Variants in NEDD4L observed in about 807,000 individuals in gnomAD.
NEDD4L encodes the protein E3 ubiquitin-protein ligase NEDD4-like.
NEDD4L carries 54 observed loss-of-function variants against 148.9 expected under a neutral mutation model. The ratio of observed to expected loss-of-function variants is 0.36; its 90% CI spans 0.29 to 0.45. The LOEUF is 0.45. NEDD4L is among the 20% of genes least tolerant of loss of function. NEDD4L has a pLI of 1.00. For missense variants in NEDD4L, 856 were observed against 1,233.8 expected, an observed-to-expected ratio of 0.69 and a Z score of 4.59; for synonymous variants, 433 against 440.7, an observed-to-expected ratio of 0.98 and a Z score of 0.22.
chr18:58,297,075 A>G (rs1040488077), intron 5 of NEDD4L, among the ~76,000 whole-genome samples: 2 of 152,182 alleles, frequency 1.3e-5, no homozygotes, highest in Non-Finnish European at 1.5e-5. Context: ...CAATAGAGTG[A>G]GAGTCTGTCT....
chr18:58,384,967 C>T (rs1045162897), intron 25 of NEDD4L, among the ~76,000 whole-genome samples: 3 of 152,214 alleles, frequency 2.0e-5, no homozygotes, highest in African/African-American at 4.8e-5. Flanking sequence ...TCTTACCATT[C>T]ATCCTCTAAA....
intron 24 of NEDD4L, among the ~76,000 whole-genome samples, chr18:58,375,222 G>T (rs555392215): frequency 5.9e-5 from 9 of 152,142 alleles, no homozygotes; most frequent in African/African-American, 2.2e-4. Context: ...CACTCCCCTA[G>T]CCCTGCTCCG....
intron 2 of NEDD4L, among the ~76,000 whole-genome samples, chr18:58,224,108 C>T (rs960602850): frequency 2.6e-5 from 4 of 152,166 alleles, no homozygotes; most frequent in Admixed American, 6.5e-5. Flanking sequence ...AGTGGAGTTC[C>T]GTAGAATACA....
chr18:58,338,054 A>C (rs1392591981), intron 13 of NEDD4L, among the ~76,000 whole-genome samples: 1 of 152,202 alleles, frequency 6.6e-6, no homozygotes, highest in Non-Finnish European at 1.5e-5. Context: ...GTCAGTGTCA[A>C]AGTGGTTATT....
chr18:58,126,075 G>A (rs546476501), intron 1 of NEDD4L, among the ~76,000 whole-genome samples: 29 of 152,330 alleles, frequency 1.9e-4, no homozygotes, highest in African/African-American at 6.3e-4. Flanking sequence ...CCTTGAAGGG[G>A]ACCGTTGCTC....
intron 2 of NEDD4L, among the ~76,000 whole-genome samples, chr18:58,184,344 T>A (rs1163605681): frequency 9.5e-6 from 1 of 104,760 alleles, no homozygotes; most frequent in Non-Finnish European, 2.1e-5. Context: ...ACCAGCAGCC[T>A]GCTTGGTGTG....
intron 1 of NEDD4L, chr18:58,047,067 A>G (rs1419121086): frequency 6.2e-6 from 1 of 161,948 alleles, no homozygotes. Flanking sequence ...TGTCTCCCTG[A>G]ATTAGTATGT....
intron 1 of NEDD4L, among the ~76,000 whole-genome samples, chr18:58,124,423 T>C (rs1457838805): frequency 1.3e-5 from 2 of 152,222 alleles, no homozygotes; most frequent in Non-Finnish European, 2.9e-5. Flanking sequence ...TCCCTCTGGC[T>C]ACTCCTCTGC....
Position 58,325,029 on chromosome 18 carries a change from G to A in NEDD4L, c.547G>A (p.Ala183Thr), listed in dbSNP as rs372009925. 1.4e-5 allele frequency: 23 copies of A among 1,613,796 alleles called. No homozygotes were observed. In the Admixed American group the frequency reaches 1.7e-4, roughly 12 times the overall value. ...GGAAGTTGTTGACTCAAATGACTCGGCTTCTCAGCACCAAGAGGAACTTCC... is the reference window on the plus strand; with the variant it reads ...GGAAGTTGTTGACTCAAATGACTCGACTTCTCAGCACCAAGAGGAACTTCC... ...GWEVVDSNDS[A>T]SQHQEELPPP... The change falls in exon 9 of 31, where the codon GCT (alanine) becomes ACT (threonine). Residue 183 changes from alanine (A) to threonine (T), a missense_variant. Transcript: ENST00000400345.
At chr18:58,302,150 G>A (rs2056554753) in intron 5 of NEDD4L, among the ~76,000 whole-genome samples, 1 of 152,126 alleles carries the variant, frequency 6.6e-6, no homozygotes, top group Non-Finnish European at 1.5e-5. Context: ...TAGGCTTCAT[G>A]TTTCATACAA....
chr18:58,325,315 G>A (rs2059217207), intron 9 of NEDD4L, among the ~76,000 whole-genome samples, 153 bp downstream of exon 9: 1 of 152,238 alleles, frequency 6.6e-6, no homozygotes. Flanking sequence ...TTTACGTAAA[G>A]CATGCAAGAG....
chr18:58,046,980 C>CA (rs2081613754), intron 1 of NEDD4L: 1 of 151,366 alleles, frequency 6.6e-6, no homozygotes, highest in African/African-American at 2.4e-5. Context: ...TTCATGCTGT[C>CA]ACGTTGCCCT....
chr18:58,306,138 C>T (rs527766221), intron 5 of NEDD4L, among the ~76,000 whole-genome samples: 1 of 152,042 alleles, frequency 6.6e-6, no homozygotes, highest in Admixed American at 6.6e-5. Flanking sequence ...CATGCCAGAT[C>T]GGTTTCAAGG....
chr18:58,206,661 G>T (rs890097072), intron 2 of NEDD4L, among the ~76,000 whole-genome samples: 10 of 152,122 alleles, frequency 6.6e-5, no homozygotes, highest in African/African-American at 2.4e-4. Context: ...AAGATATGTG[G>T]GAGAAATAAT....
chr18:58,193,581 C>A (rs1029595625), intron 2 of NEDD4L, among the ~76,000 whole-genome samples: 1 of 152,230 alleles, frequency 6.6e-6, no homozygotes, highest in Non-Finnish European at 1.5e-5. Flanking sequence ...TTTCCAATTT[C>A]TTCTTTTTCC....
At chr18:58,089,889 G>A (rs2083970670) in intron 1 of NEDD4L, among the ~76,000 whole-genome samples, 1 of 150,558 alleles carries the variant, frequency 6.6e-6, no homozygotes, top group Non-Finnish European at 1.5e-5. Flanking sequence ...TCCCAGGCTG[G>A]AGTGCAGTGG....
At chr18:58,337,063 T>C (rs1327043815) in intron 13 of NEDD4L, among the ~76,000 whole-genome samples, 1 of 152,140 alleles carries the variant, frequency 6.6e-6, no homozygotes, top group African/African-American at 2.4e-5. Flanking sequence ...ATGGAATCAT[T>C]GCAGTACCAG....
Position 58,349,709 on chromosome 18 carries a change from C to G in NEDD4L, c.1653+95C>G, listed in dbSNP as rs374901802. On this transcript the variant is annotated intron_variant, in intron 17 of 30. Transcript: ENST00000400345. ...GAGGCCCTGTGGACCTTCTCTATCTCCAGGCTTTGTGGATCTCATTGGTTT... is the reference window on the plus strand; with the variant it reads ...GAGGCCCTGTGGACCTTCTCTATCTGCAGGCTTTGTGGATCTCATTGGTTT... 128 of 950,134 alleles carry G rather than the reference C, an allele frequency of 1.3e-4. No homozygotes were observed. In the African/African-American group the frequency reaches 1.8e-3, roughly 13 times the overall value. 58.9% of individuals were successfully genotyped at this position (950,134 alleles called of 1,614,324 possible).
At chr18:58,319,986 A>T (rs958343213) in intron 6 of NEDD4L, among the ~76,000 whole-genome samples, 3 of 152,182 alleles carry the variant, frequency 2.0e-5, no homozygotes, top group African/African-American at 7.2e-5. Context: ...GCCAAGAGAG[A>T]TAAGGAACTT....
Sources: allele counts gnomAD v4.1 joint callset (sites outside exome capture counted in the v4.1 genomes callset), GRCh38; gene constraint gnomAD v4.1.1; transcripts MANE v1.5; gene names NCBI Gene and HGNC (gene_info 2026-07-23, HGNC 2026-07-21).